LRRC4C: variants seen among roughly 807,000 people sequenced by gnomAD.
The protein encoded by LRRC4C is leucine rich repeat containing 4C, also known as leucine-rich repeat-containing protein 4C.
In LRRC4C, 5 loss-of-function variants were observed where a neutral mutation model predicts 33.6. That is an observed-to-expected ratio of 0.15 (90% CI 0.08 to 0.31). The LOEUF (loss-of-function observed/expected upper bound fraction) is 0.31, where lower values mean the gene tolerates loss of function less well. Among genes scored for constraint, LRRC4C ranks in the 10% least tolerant of loss-of-function variants. The probability of loss-of-function intolerance (pLI) is 1.00; values close to 1 mark genes in which losing one functional copy is unlikely to be tolerated. For synonymous variants in LRRC4C, 329 were observed against 302.0 expected, an observed-to-expected ratio of 1.09 and a Z score of -0.93; for missense variants, 560 against 796.7, an observed-to-expected ratio of 0.70 and a Z score of 3.58.
chr11:40,915,400 T>A (rs1249518927), intron 2 of LRRC4C, among the ~76,000 whole-genome samples: 2 of 151,940 alleles, frequency 1.3e-5, no homozygotes, highest in Admixed American at 6.6e-5. Flanking sequence ...CACATATCTA[T>A]CACTACCTGA....
At chr11:41,080,828 G>A (rs1422374105) in intron 1 of LRRC4C, among the ~76,000 whole-genome samples, 1 of 152,066 alleles carries the variant, frequency 6.6e-6, no homozygotes, top group Non-Finnish European at 1.5e-5. Context: ...ATTCTTGCCT[G>A]TTATTTATTT....
At chr11:40,915,571 T>C (rs1956918451) in intron 2 of LRRC4C, among the ~76,000 whole-genome samples, 1 of 152,150 alleles carries the variant, frequency 6.6e-6, no homozygotes, top group African/African-American at 2.4e-5. Flanking sequence ...ACTTAAATGT[T>C]AGACCTAAAA....
intron 2 of LRRC4C, among the ~76,000 whole-genome samples, chr11:40,664,136 C>T (rs1443059545): frequency 6.6e-6 from 1 of 152,114 alleles, no homozygotes; most frequent in Non-Finnish European, 1.5e-5. Context: ...ATATTTGGAA[C>T]TGAATGTCAA....
At chr11:41,159,807 G>A (rs1944387687) in intron 1 of LRRC4C, among the ~76,000 whole-genome samples, 1 of 152,046 alleles carries the variant, frequency 6.6e-6, no homozygotes, top group South Asian at 2.1e-4. Flanking sequence ...AAAGAGAAGT[G>A]AAAACAATGC....
At chr11:41,176,172 T>C (rs1945190138) in intron 1 of LRRC4C, among the ~76,000 whole-genome samples, 1 of 152,212 alleles carries the variant, frequency 6.6e-6, no homozygotes, top group South Asian at 2.1e-4. Flanking sequence ...TAAGCATTAA[T>C]TAAACATTTA....
intron 3 of LRRC4C, among the ~76,000 whole-genome samples, chr11:40,628,491 A>G (rs1036703831): frequency 1.3e-5 from 2 of 152,026 alleles, no homozygotes; most frequent in African/African-American, 4.8e-5. Flanking sequence ...AAAACAAAAC[A>G]AAACAAAACA....
At chr11:41,073,791 T>C (rs78496170) in intron 1 of LRRC4C, among the ~76,000 whole-genome samples, 24,930 of 152,164 alleles carry the variant, frequency 0.16, 2,147 homozygotes, top group East Asian at 0.21. Context: ...AATTTTTTGT[T>C]ATTCTTGCCA....
chr11:40,873,637 C>A (rs1265172788), intron 2 of LRRC4C, among the ~76,000 whole-genome samples: 1 of 152,100 alleles, frequency 6.6e-6, no homozygotes, highest in Non-Finnish European at 1.5e-5. Context: ...TTCTTAATTT[C>A]CAGAATATTG....
intron 1 of LRRC4C, among the ~76,000 whole-genome samples, chr11:41,308,954 G>A (rs114338498): frequency 0.027 from 4,085 of 152,138 alleles, 174 homozygotes; most frequent in African/African-American, 0.093. Flanking sequence ...ACAGGCATGC[G>A]TCAACACGCC....
chr11:40,398,040 G>C (rs1420756187), intron 3 of LRRC4C, among the ~76,000 whole-genome samples: 3 of 151,842 alleles, frequency 2.0e-5, no homozygotes, highest in Non-Finnish European at 4.4e-5. Flanking sequence ...GCTTATAATA[G>C]GAAAAGATAA....
At chr11:41,193,395 G>T (rs942242709) in intron 1 of LRRC4C, among the ~76,000 whole-genome samples, 4 of 152,030 alleles carry the variant, frequency 2.6e-5, no homozygotes, top group African/African-American at 4.8e-5. Flanking sequence ...GGGACGAATT[G>T]TCAACACTAT....
chr11:40,784,916 T>C (rs1361028832), intron 2 of LRRC4C, among the ~76,000 whole-genome samples: 1 of 151,894 alleles, frequency 6.6e-6, no homozygotes, highest in East Asian at 1.9e-4. Flanking sequence ...AAAAAAGTAT[T>C]AATAGAAAGG....
At chr11:40,849,690 T>G (rs1591881889) in intron 2 of LRRC4C, among the ~76,000 whole-genome samples, 1 of 152,248 alleles carries the variant, frequency 6.6e-6, no homozygotes, top group East Asian at 1.9e-4. Context: ...TGGCCTGTCT[T>G]GCTAGGTTGG....
intron 2 of LRRC4C, among the ~76,000 whole-genome samples, chr11:40,828,980 T>G (rs1292030401): frequency 1.3e-5 from 2 of 151,982 alleles, no homozygotes; most frequent in Non-Finnish European, 2.9e-5. Flanking sequence ...ATTTTTCTGG[T>G]CTTATTCTGG....
At chr11:40,329,561 G>A (rs920860883) in intron 3 of LRRC4C, among the ~76,000 whole-genome samples, 2 of 152,058 alleles carry the variant, frequency 1.3e-5, no homozygotes, top group Non-Finnish European at 2.9e-5. Flanking sequence ...GGAACCAAAG[G>A]TAGGGTTGAC....
chr11:40,472,246 C>T (rs1341775662), intron 3 of LRRC4C, among the ~76,000 whole-genome samples: 1 of 151,932 alleles, frequency 6.6e-6, no homozygotes, highest in Non-Finnish European at 1.5e-5. Context: ...TCCCACTGCA[C>T]TCCAGCCTGG....
intron 2 of LRRC4C, among the ~76,000 whole-genome samples, chr11:40,871,000 C>G (rs1171630666): frequency 6.6e-6 from 1 of 152,172 alleles, no homozygotes; most frequent in African/African-American, 2.4e-5. Flanking sequence ...GAAATGGCCA[C>G]TTCGGCGGGG....
intron 3 of LRRC4C, among the ~76,000 whole-genome samples, chr11:40,456,554 T>C (rs975065096): frequency 6.6e-6 from 1 of 152,020 alleles, no homozygotes; most frequent in South Asian, 2.1e-4. Flanking sequence ...GCTTCAATGA[T>C]TTCTAAATGA....
At chr11:40,639,797 A>T (rs945040418) in intron 3 of LRRC4C, among the ~76,000 whole-genome samples, 1 of 152,248 alleles carries the variant, frequency 6.6e-6, no homozygotes, top group Non-Finnish European at 1.5e-5. Context: ...GAAATCAAGC[A>T]TAATGAATTC....
Sources: gnomAD v4.1 joint callset for allele counts (sites outside exome capture counted in the v4.1 genomes callset) on GRCh38, gnomAD v4.1.1 for gene constraint, MANE v1.5 for transcripts, NCBI Gene and HGNC (gene_info 2026-07-23, HGNC 2026-07-21) for gene names.